The following NPHS1 variants were observed in gnomAD, a reference collection of about 807,000 sequenced individuals.
NPHS1 encodes the protein nephrin.
In NPHS1, 107 loss-of-function variants were observed where a neutral mutation model predicts 139.7. The ratio of observed to expected loss-of-function variants is 0.77; its 90% confidence interval spans 0.66 to 0.90. The LOEUF (loss-of-function observed/expected upper bound fraction) is 0.90, where lower values mean the gene tolerates loss of function less well. Ranked by LOEUF, NPHS1 falls within the 40% of genes least tolerant of loss-of-function variation. The probability of loss-of-function intolerance (pLI) is 0.00; values close to 1 mark genes in which losing one functional copy is unlikely to be tolerated. For missense variants in NPHS1, 1,580 were observed against 1,654.2 expected, an observed-to-expected ratio of 0.96 and a Z score of 0.78; for synonymous variants, 707 against 706.6, an observed-to-expected ratio of 1.00 and a Z score of -0.01.
In NPHS1 at chr19:35,843,517, G is replaced by C. The variant is rs437168; in HGVS notation, c.2289C>G (p.Val763=). 39 of 1,613,882 alleles carry C rather than the reference G, an allele frequency of 2.4e-5. 1 individual carries two copies. The highest frequency in any genetic ancestry group is 3.1e-5 in the Non-Finnish European group (37 of 1,180,000). ...TGCCCGGGAGGATGGGATTGGCATC[G>C]ACAGTGCAGACTATGTCCACAGAAC... ...VGGSVDIVCT[V]DANPILPGMF... Residue 763 remains valine (V), a synonymous_variant, in exon 17 of 29, where the codon GTC becomes GTG. Transcript: ENST00000378910.
rs1226656179 is a variant in NPHS1, at chr19:35,845,640, G to C, written c.1757+29C>G. On this transcript the variant is annotated intron_variant, in intron 13 of 28. Transcript: ENST00000378910. The surrounding 1 kb of genome is among the most constrained non-coding windows in gnomAD (Gnocchi z 5.5). ...GCGTGGAGGGGGCGAGGCCAGACCAGAGAGGGGAGGGATCCCTCGCACTCC... is the reference window on the plus strand; with the variant it reads ...GCGTGGAGGGGGCGAGGCCAGACCACAGAGGGGAGGGATCCCTCGCACTCC... 7 of 1,611,712 alleles carry C rather than the reference G, an allele frequency of 4.3e-6. No homozygotes were observed. Among genetic ancestry groups the C allele is most frequent in the Non-Finnish European group, 5.9e-6 (7 of 1,178,890 alleles).
At position 35,835,749 on chromosome 19, in the gene NPHS1, G is replaced by A. The variant is rs1406744080; in HGVS notation, c.3122C>T (p.Pro1041Leu). 5 of 1,613,536 alleles carry A rather than the reference G, an allele frequency of 3.1e-6. No individual in the cohort carries two copies. The African/African-American group carries it at 4.0e-5, about 13-fold the overall frequency. ...CAGCTGGTCTTCAGGTTCTCCAGAA[G>A]GCTGGTGGAGACCTGGGGGGTGGAT... is the stretch of plus-strand genomic sequence containing the variant. Reference protein sequence around the residue: ...LPITTPGLHQPSGEPEDQLPT... With the variant: ...LPITTPGLHQLSGEPEDQLPT... Residue 1041 changes from proline (P) to leucine (L), a missense_variant, in exon 23 of 29, where the codon CCT (proline) becomes CTT (leucine). By Grantham distance (98) the Pro-to-Leu change is moderately conservative. Transcript: ENST00000378910.
At position 35,843,754 on chromosome 19, in the gene NPHS1, T is replaced by G. The variant is rs558038228; in HGVS notation, c.2213-161A>C. ...AGGGTTGGAGGAGAGTTCTCAAGGT[T>G]GGTGAGGTTGTCTCCACCCTCCACT... is the stretch of plus-strand genomic sequence containing the variant. On this transcript the variant is annotated intron_variant, in intron 16 of 28. Transcript: ENST00000378910. 1.4e-5 allele frequency: 12 copies of G among 877,996 alleles called. No homozygotes were observed. In the Admixed American group the frequency reaches 3.2e-4, roughly 24 times the overall value. The allele number at this position is 877,996 out of a possible 1,614,324, so 54.4% of individuals were successfully genotyped here. A position where few individuals can be genotyped will look rare whatever the true frequency, so the allele number is the denominator to read the frequency against.
intron 23 of NPHS1, among the ~76,000 whole-genome samples, chr19:35,835,199 C>CAAAAAAA (rs71167570): frequency 8.4e-4 from 60 of 71,108 alleles, no homozygotes; most frequent in Non-Finnish European, 1.1e-3. Flanking sequence ...GACTCTGTCT[C>CAAAAAAA]AAAAAAAAAA....
chr19:35,851,605 C>A lies in NPHS1; in HGVS notation c.126G>T (p.Thr42=), dbSNP rs145683325. The change falls in exon 2 of 29, where the codon ACG becomes ACT. Residue 42 remains threonine, a synonymous_variant. Coordinates refer to ENST00000378910, the MANE Select transcript of NPHS1 (RefSeq NM_004646.4). ...RGFWALPENL[T]VVEGASVELR... Reference sequence around the variant, plus strand: ...GCTCCACTGAGGCCCCCTCCACCACCGTCAGGTTTTCAGGCAGGGCCCAGA... The same window carrying A: ...GCTCCACTGAGGCCCCCTCCACCACAGTCAGGTTTTCAGGCAGGGCCCAGA... 457 of 1,613,880 alleles carry A rather than the reference C, an allele frequency of 2.8e-4. No individual in the cohort carries two copies. The highest frequency in any genetic ancestry group is 3.8e-4 in the Non-Finnish European group (443 of 1,180,008).
At position 35,842,271 on chromosome 19, in the gene NPHS1, TG is replaced by T. The variant is rs386833918; in HGVS notation, c.2515del (p.Gln839ArgfsTer8). ...LLRLVVRFAPQVEHPTPLTKV... is the reference protein window; with the variant it reads ...LLRLVVRFAPXVEHPTPLTKV... ...AGTTAGGGGAGTGGGGTGCTCCACC[TG>T]GGGGGCAACTGGGAGGGGATGGGCA... On this transcript the variant is annotated frameshift_variant, in exon 19 of 29. Coordinates refer to ENST00000378910, the MANE Select transcript of NPHS1 (RefSeq NM_004646.4). LOFTEE classifies it high-confidence loss of function. 5.6e-6 allele frequency: 9 copies of T among 1,612,582 alleles called. No individual in the cohort carries two copies. In the East Asian group the frequency reaches 1.3e-4, roughly 24 times the overall value.
Position 35,845,807 on chromosome 19 carries a change from CG to C in NPHS1, c.1628-10del, listed in dbSNP as rs773134091. The C allele has an allele frequency of 8.7e-6, 14 of 1,611,474 alleles. No individual in the cohort carries two copies. On this transcript the variant is annotated splice_polypyrimidine_tract_variant and intron_variant, in intron 12 of 28. Coordinates refer to ENST00000378910, the MANE Select transcript of NPHS1 (RefSeq NM_004646.4). The surrounding 1 kb of genome is among the most constrained non-coding windows in gnomAD (Gnocchi z 5.5). ...CACGTTAGTTGGGGGAACTGGGAGACGGGGTTGGAGGAGCGAGACTCAGAGG... is the reference window on the plus strand; with the variant it reads ...CACGTTAGTTGGGGGAACTGGGAGACGGGTTGGAGGAGCGAGACTCAGAGG...
chr19:35,847,804 T>G, intron 11 of NPHS1: 1 of 482,932 alleles, frequency 2.1e-6, no homozygotes, highest in Non-Finnish European at 3.6e-6. Flanking sequence ...TAATCTTGAT[T>G]CAGAATTCCA....
chr19:35,835,486 G>A (rs1233110515), intron 23 of NPHS1, among the ~76,000 whole-genome samples: 1 of 151,718 alleles, frequency 6.6e-6, no homozygotes, highest in African/African-American at 2.4e-5. Context: ...TTGCAAAGAT[G>A]GAGTCTTGCT....
At position 35,850,344 on chromosome 19, in the gene NPHS1, G is replaced by A. The variant is rs762358998; in HGVS notation, c.608+20C>T. 3.1e-6 allele frequency: 5 copies of A among 1,604,514 alleles called. No homozygotes were observed. The highest frequency in any genetic ancestry group is 4.5e-5 in the East Asian group (2 of 44,838). On this transcript the variant is annotated intron_variant, in intron 5 of 28. Transcript: ENST00000378910. The stretch of plus-strand genomic sequence containing the variant: ...GGAAAATTAGGGGTCAAGGTTGGGG[G>A]GTTGTTTCAGTTTCCACACCTGGCT...
chr19:35,850,082 A>C (rs1207779818), intron 5 of NPHS1, among the ~76,000 whole-genome samples: 4 of 151,908 alleles, frequency 2.6e-5, no homozygotes, highest in Non-Finnish European at 5.9e-5. Context: ...CACCCGGCTA[A>C]TTTTTGTATT....
intron 28 of NPHS1, among the ~76,000 whole-genome samples, chr19:35,830,074 T>C (rs1332898607): frequency 2.6e-5 from 4 of 152,238 alleles, no homozygotes; most frequent in African/African-American, 9.6e-5. Context: ...TTTCTCTCTC[T>C]TTAACCAGTG....
intron 23 of NPHS1, 36 bp downstream of exon 23, chr19:35,835,669 G>A: frequency 2.5e-6 from 4 of 1,593,390 alleles, no homozygotes; most frequent in Non-Finnish European, 3.4e-6. Flanking sequence ...TCCATTCTCA[G>A]GGGAGCCGGG....
chr19:35,844,338 G>A lies in NPHS1; in HGVS notation c.2052C>T (p.Arg684=). ...CCTCACCTGGACTGAGGCGATAGCC[G>A]CGGAAGGTCCAGTTGAAGGCCTCGG... ...PAPEAFNWTF[R]GYRLSPAGGP... is the part of the protein sequence containing the mutation. The change falls in exon 15 of 29, where the codon CGC becomes CGT. Residue 684 remains arginine (R), a synonymous_variant. Transcript: ENST00000378910. 1 of 1,613,910 alleles carries A rather than the reference G, an allele frequency of 6.2e-7. No individual in the cohort carries two copies. Among genetic ancestry groups the A allele is most frequent in the South Asian group, 1.1e-5 (1 of 91,060 alleles).
intron 5 of NPHS1, 48 bp downstream of exon 5, chr19:35,850,316 T>C (rs754886961): frequency 8.8e-5 from 130 of 1,472,870 alleles, no homozygotes; most frequent in Admixed American, 2.0e-4. Flanking sequence ...GGGGTTCCCA[T>C]GGGGAAAATT....
rs1973137901 is a variant in NPHS1, at chr19:35,846,148, CGCCGCGACTCCTGCGGCA to C, written c.1469_1486del (p.Leu490_Arg495del). On this transcript the variant is annotated inframe_deletion, in exon 12 of 29. Coordinates refer to ENST00000378910, the MANE Select transcript of NPHS1 (RefSeq NM_004646.4). ...TTTCTCCACGCTGCCGAGATGCACG[CGCCGCGACTCCTGCGGCA>C]GCCGCGACTCGGTCACGGTGCGCGA... The C allele has an allele frequency of 6.3e-7, 1 of 1,597,204 alleles. No individual in the cohort carries two copies. The highest frequency in any genetic ancestry group is 1.1e-5 in the South Asian group (1 of 88,300).
At position 35,841,833 on chromosome 19, in the gene NPHS1, G is replaced by A. The variant is rs773723576; in HGVS notation, c.2697C>T (p.Val899=). 12 of 1,613,642 alleles carry A rather than the reference G, an allele frequency of 7.4e-6. No individual in the cohort carries two copies. The Admixed American group carries it at 8.3e-5, about 11-fold the overall frequency. ...TGGCAATGGTCAGGAGGCTGCTGTG[G>A]ACACCACCCTGGTGGTATGTGTGCT... The part of the protein sequence containing the change: ...YTEHTYHQGG[V]HSSLLTIANV... Residue 899 remains valine (V), a synonymous_variant, in exon 20 of 29, where the codon GTC becomes GTT. Transcript: ENST00000378910.
At chr19:35,834,521 T>C (rs978245545) in intron 23 of NPHS1, among the ~76,000 whole-genome samples, 1 of 151,872 alleles carries the variant, frequency 6.6e-6, no homozygotes, top group African/African-American at 2.4e-5. Flanking sequence ...GGACATGGAG[T>C]GAGCTAATTC....
chr19:35,837,011 GAAAGA>G (rs1209684695), intron 22 of NPHS1, among the ~76,000 whole-genome samples: 36 of 102,436 alleles, frequency 3.5e-4, no homozygotes, highest in African/African-American at 1.0e-3. Flanking sequence ...AAAAAAAAAA[GAAAGA>G]AAAGAAAAGA....
Sources: allele counts gnomAD v4.1 joint callset (sites outside exome capture counted in the v4.1 genomes callset), GRCh38; gene constraint gnomAD v4.1.1; non-coding constraint Gnocchi (gnomAD v3.1); transcripts MANE v1.5; gene names NCBI Gene and HGNC (gene_info 2026-07-23, HGNC 2026-07-21).